The following SEMA3D variants were observed in gnomAD, a reference collection of about 807,000 sequenced individuals.
SEMA3D encodes the protein semaphorin 3D.
In SEMA3D, 84 loss-of-function variants were observed where a neutral mutation model predicts 100.1. That is an observed-to-expected ratio of 0.84 (90% CI 0.70 to 1.01). The LOEUF (loss-of-function observed/expected upper bound fraction) is 1.01, where lower values mean the gene tolerates loss of function less well. Ranked by LOEUF, SEMA3D falls within the 50% of genes least tolerant of loss-of-function variation. The pLI, the probability that SEMA3D is intolerant of heterozygous loss-of-function variation, is 0.00. For synonymous variants in SEMA3D, 312 were observed against 320.7 expected (o/e 0.97, Z 0.29); for missense variants, 875 against 934.1 (o/e 0.94, Z 0.82).
chr7:85,213,411 C>T, the SEMA3D span, among the ~76,000 whole-genome samples: 1 of 152,012 alleles, frequency 6.6e-6, no homozygotes, highest in African/African-American at 2.4e-5. Flanking sequence ...TTCTTCACAT[C>T]ATTTATATGT....
At chr7:85,134,843 T>C (rs1238294023) in intron 2 of SEMA3D, among the ~76,000 whole-genome samples, 1 of 151,922 alleles carries the variant, frequency 6.6e-6, no homozygotes, top group Non-Finnish European at 1.5e-5. Flanking sequence ...ACTTTGTGTC[T>C]CCCCAAGTGT....
chr7:85,059,657 G>A (rs1791419921), intron 8 of SEMA3D, among the ~76,000 whole-genome samples: 2 of 152,092 alleles, frequency 1.3e-5, no homozygotes, highest in Non-Finnish European at 2.9e-5. Flanking sequence ...CCGAAAAGCA[G>A]AACAGTTAAA....
At chr7:85,011,178 C>A (rs777488440) in intron 17 of SEMA3D, among the ~76,000 whole-genome samples, 60 of 151,812 alleles carry the variant, frequency 4.0e-4, no homozygotes, top group Non-Finnish European at 5.9e-5. Flanking sequence ...AAGCAATCAA[C>A]TTATATGAGG....
intron 4 of SEMA3D, among the ~76,000 whole-genome samples, chr7:85,095,692 A>G (rs1788528504): frequency 6.6e-6 from 1 of 152,076 alleles, no homozygotes; most frequent in Admixed American, 6.6e-5. Flanking sequence ...TACCTATATA[A>G]CATAAATTAT....
At chr7:85,229,462 C>T in the SEMA3D span, among the ~76,000 whole-genome samples, 3,437 of 151,996 alleles carry the variant, frequency 0.023, 160 homozygotes, top group East Asian at 0.2. Flanking sequence ...GGTTTCTACA[C>T]CATTGGATTT....
chr7:85,056,597 G>T, intron 8 of SEMA3D, among the ~76,000 whole-genome samples: 2 of 149,126 alleles, frequency 1.3e-5, no homozygotes, highest in African/African-American at 2.5e-5. Context: ...TATATATATA[G>T]CATTTATATA....
chr7:85,035,114 T>C (rs958978241), intron 12 of SEMA3D, among the ~76,000 whole-genome samples: 12 of 151,808 alleles, frequency 7.9e-5, no homozygotes, highest in Non-Finnish European at 1.6e-4. Context: ...AGAAAATGTG[T>C]GTGTGTGTGT....
chr7:85,018,035 A>T (rs10228811), intron 15 of SEMA3D, among the ~76,000 whole-genome samples: 3,853 of 151,888 alleles, frequency 0.025, 181 homozygotes, highest in African/African-American at 0.088. Context: ...GATCCAAAGG[A>T]AGGGGAGAAT....
Position 85,077,374 on chromosome 7 carries a change from G to C in SEMA3D, c.375+4143C>G, listed in dbSNP as rs748987086. ...ATGTTTTTCACGAGTGGAACACAAG[G>C]TATTATACTGTATGTATACTCTATA... On this transcript the variant is annotated intron_variant, in intron 5 of 18. Transcript: ENST00000284136. Among the ~76,000 whole-genome samples the C allele has an allele frequency of 1.3e-5, 2 of 151,756 alleles. 1 individual carries two copies. The highest frequency in any genetic ancestry group is 4.2e-4 in the South Asian group (2 of 4,804).
intron 3 of SEMA3D, among the ~76,000 whole-genome samples, chr7:85,114,478 T>A (rs190413162): frequency 6.6e-6 from 1 of 152,278 alleles, no homozygotes; most frequent in East Asian, 1.9e-4. Flanking sequence ...ATAATTCTCT[T>A]AACAAAGGTG....
intron 2 of SEMA3D, among the ~76,000 whole-genome samples, chr7:85,122,685 T>C (rs1789463140): frequency 6.6e-6 from 1 of 152,148 alleles, no homozygotes; most frequent in South Asian, 2.1e-4. Flanking sequence ...AAAATTACAC[T>C]TAAATGTGAG....
chr7:85,056,971 GATT>G (rs778647806), intron 8 of SEMA3D, among the ~76,000 whole-genome samples: 33 of 149,598 alleles, frequency 2.2e-4, no homozygotes, highest in Non-Finnish European at 4.2e-4. Flanking sequence ...TAATAAGTGT[GATT>G]ATTATTAAGA....
intron 9 of SEMA3D, among the ~76,000 whole-genome samples, chr7:85,048,892 C>A (rs1325988001): frequency 6.6e-6 from 1 of 151,740 alleles, no homozygotes; most frequent in African/African-American, 2.4e-5. Context: ...ACAAATATCT[C>A]TTCACTTACT....
At chr7:85,091,408 G>T (rs964927269) in intron 4 of SEMA3D, among the ~76,000 whole-genome samples, 4 of 151,618 alleles carry the variant, frequency 2.6e-5, no homozygotes, top group African/African-American at 9.7e-5. Context: ...CATATGGAAG[G>T]ATCCCAACAA....
intron 2 of SEMA3D, among the ~76,000 whole-genome samples, chr7:85,133,218 A>ATC (rs1302750178): frequency 6.6e-6 from 1 of 151,812 alleles, no homozygotes; most frequent in Non-Finnish European, 1.5e-5. Flanking sequence ...CGCCCTCCTT[A>ATC]TCTAGTTCTC....
chr7:85,100,275 G>GTTGATAATTGAAT (rs1453455240), intron 3 of SEMA3D, among the ~76,000 whole-genome samples: 4 of 150,580 alleles, frequency 2.7e-5, no homozygotes, highest in African/African-American at 9.7e-5. Flanking sequence ...TAGCAGCAAA[G>GTTGATAATTGAAT]TTGATAATTG....
At chr7:85,159,811 T>A in intron 1 of SEMA3D, 1 of 983,088 alleles carries the variant, frequency 1.0e-6, no homozygotes, top group Non-Finnish European at 1.2e-6. Flanking sequence ...CTAATACCAG[T>A]GCATACTCTT....
In SEMA3D at chr7:85,026,192, C is replaced by T. The variant is rs143975319; in HGVS notation, c.1192-3579G>A. On this transcript the variant is annotated intron_variant, in intron 12 of 18. Coordinates refer to ENST00000284136, the MANE Select transcript of SEMA3D (RefSeq NM_001384900.1). ...GACTCAGGATATCCAGAGTCTAGTC[C>T]TGCCTCTGCTTCTCCCTTCTAGAAC... is the stretch of plus-strand genomic sequence containing the variant. Among the ~76,000 whole-genome samples the T allele has an allele frequency of 2.7e-3, 408 of 152,034 alleles. 4 individuals are homozygous for T. Among genetic ancestry groups the T allele is most frequent in the African/African-American group, 9.2e-3 (381 of 41,524 alleles).
the SEMA3D span, among the ~76,000 whole-genome samples, chr7:85,209,563 C>A: frequency 2.6e-5 from 4 of 151,856 alleles, no homozygotes; most frequent in Non-Finnish European, 5.9e-5. Flanking sequence ...CTTTGAAGAG[C>A]AAAAAGAATT....
Sources: allele counts gnomAD v4.1 joint callset (sites outside exome capture counted in the v4.1 genomes callset), GRCh38; gene constraint gnomAD v4.1.1; transcripts MANE v1.5; gene names NCBI Gene and HGNC (gene_info 2026-07-23, HGNC 2026-07-21).